The following ARMH3 variants were observed in gnomAD, a reference collection of about 807,000 sequenced individuals.
ARMH3 encodes armadillo-like helical domain-containing protein 3.
In ARMH3, 60 loss-of-function variants were observed where a neutral mutation model predicts 99.1. The observed-to-expected ratio is 0.61, with a 90% CI of 0.49 to 0.75. ARMH3 has a LOEUF of 0.75. Among genes scored for constraint, ARMH3 ranks in the 30% least tolerant of loss-of-function variants. The probability of loss-of-function intolerance (pLI) is 0.00; values close to 1 mark genes in which losing one functional copy is unlikely to be tolerated. For synonymous variants in ARMH3, 285 were observed against 292.8 expected (o/e 0.97, Z 0.27); for missense variants, 679 against 843.1 (o/e 0.81, Z 2.41).
At chr10:101,900,885 G>A (rs2067957970) in intron 23 of ARMH3, among the ~76,000 whole-genome samples, 1 of 152,048 alleles carries the variant, frequency 6.6e-6, no homozygotes, top group African/African-American at 2.4e-5. Flanking sequence ...TCATGAGGAT[G>A]AGGCATGAGA....
chr10:101,983,960 A>T (rs747011574), intron 19 of ARMH3, among the ~76,000 whole-genome samples: 2 of 152,196 alleles, frequency 1.3e-5, no homozygotes, highest in African/African-American at 4.8e-5. Context: ...TTTGAAAGCC[A>T]GGGGTAGTCT....
intron 16 of ARMH3, 49 bp downstream of exon 16, chr10:101,995,248 T>C (rs202177168): frequency 2.5e-5 from 38 of 1,509,490 alleles, no homozygotes; most frequent in African/African-American, 1.7e-4. Context: ...CAGGGAAAGA[T>C]AGCACTTTGT....
intron 2 of ARMH3, among the ~76,000 whole-genome samples, chr10:102,036,023 C>T (rs1405147779): frequency 1.3e-5 from 2 of 152,132 alleles, no homozygotes; most frequent in African/African-American, 4.8e-5. Context: ...GCCGCGACCC[C>T]GACTGGGAGG....
At chr10:101,850,943 T>C (rs1395586230) in intron 24 of ARMH3, among the ~76,000 whole-genome samples, 1 of 152,234 alleles carries the variant, frequency 6.6e-6, no homozygotes, top group Admixed American at 6.5e-5. Flanking sequence ...ACTTTGCCAA[T>C]GTCTCCTTCC....
chr10:101,961,599 C>A (rs913721188), intron 20 of ARMH3, among the ~76,000 whole-genome samples: 19 of 152,116 alleles, frequency 1.2e-4, no homozygotes, highest in Non-Finnish European at 2.5e-4. Flanking sequence ...GTGTCAGGAG[C>A]AGTTTCAAGG....
chr10:101,889,548 T>C, intron 23 of ARMH3, 58 bp from the exon 24 acceptor site: 3 of 1,470,290 alleles, frequency 2.0e-6, no homozygotes, highest in East Asian at 4.5e-5. Flanking sequence ...ATACATCTGT[T>C]AAAAAATAAG....
chr10:101,943,249 T>C (rs1844322956), intron 22 of ARMH3, among the ~76,000 whole-genome samples: 2 of 152,120 alleles, frequency 1.3e-5, no homozygotes, highest in South Asian at 4.1e-4. Flanking sequence ...CACTGATCTA[T>C]GCATATGGAA....
chr10:101,893,322 T>C (rs1379919016), intron 23 of ARMH3, among the ~76,000 whole-genome samples: 3 of 152,196 alleles, frequency 2.0e-5, no homozygotes, highest in African/African-American at 7.2e-5. Context: ...TGCATCCACA[T>C]TTTATGCTTT....
intron 24 of ARMH3, among the ~76,000 whole-genome samples, chr10:101,877,436 C>G (rs1187528178): frequency 3.3e-5 from 5 of 152,102 alleles, no homozygotes; most frequent in African/African-American, 1.2e-4. Context: ...CCGAGGCAGG[C>G]AGATTACGAG....
At chr10:101,976,028 C>T (rs542127432) in intron 19 of ARMH3, among the ~76,000 whole-genome samples, 3 of 107,100 alleles carry the variant, frequency 2.8e-5, no homozygotes, top group East Asian at 2.8e-4. Flanking sequence ...TGGTGGCGGG[C>T]GCCTGTAGTC....
intron 14 of ARMH3, among the ~76,000 whole-genome samples, chr10:102,006,080 C>T: frequency 6.6e-6 from 1 of 152,264 alleles, no homozygotes; most frequent in Non-Finnish European, 1.5e-5. Context: ...AGTCTCTACT[C>T]TCACTAATCT....
At chr10:101,953,269 A>G (rs1048183868) in intron 22 of ARMH3, among the ~76,000 whole-genome samples, 3 of 152,204 alleles carry the variant, frequency 2.0e-5, no homozygotes, top group African/African-American at 7.2e-5. Context: ...TGCTAGGACC[A>G]TAAGCATGCA....
At chr10:102,004,776 A>T (rs377445261) in intron 14 of ARMH3, among the ~76,000 whole-genome samples, 2 of 152,162 alleles carry the variant, frequency 1.3e-5, no homozygotes, top group African/African-American at 2.4e-5. Flanking sequence ...CCTTCTCAGT[A>T]AGATATTTTG....
At position 102,001,951 on chromosome 10, in the gene ARMH3, C is replaced by T. The variant is rs768231678; in HGVS notation, c.1150+20G>A. 1.4e-5 allele frequency: 23 copies of T among 1,610,752 alleles called. No homozygotes were observed. The highest frequency in any genetic ancestry group is 1.8e-5 in the Non-Finnish European group (21 of 1,177,984). On this transcript the variant is annotated intron_variant, in intron 15 of 25. Coordinates refer to ENST00000370033, the MANE Select transcript of ARMH3 (RefSeq NM_024541.3). Reference sequence around the variant, plus strand: ...GCCACACCTTTGACTTCCTGAGCCCCCAAAATAGCTATGGCTTACCTTTGG... The same window carrying T: ...GCCACACCTTTGACTTCCTGAGCCCTCAAAATAGCTATGGCTTACCTTTGG...
At chr10:101,914,635 G>A (rs899531449) in intron 23 of ARMH3, among the ~76,000 whole-genome samples, 2 of 151,742 alleles carry the variant, frequency 1.3e-5, no homozygotes, top group Admixed American at 1.3e-4. Context: ...GGAGGCCGAG[G>A]CAGGTGGATC....
At chr10:101,910,915 G>A (rs1296566369) in intron 23 of ARMH3, among the ~76,000 whole-genome samples, 2 of 151,356 alleles carry the variant, frequency 1.3e-5, no homozygotes, top group African/African-American at 2.4e-5. Flanking sequence ...CAAGGCGGAT[G>A]GACCACCTGG....
chr10:102,001,210 T>C (rs1415292954), intron 15 of ARMH3, among the ~76,000 whole-genome samples: 1 of 152,096 alleles, frequency 6.6e-6, no homozygotes, highest in East Asian at 1.9e-4. Context: ...TTATATATAC[T>C]TTACCACAAT....
intron 24 of ARMH3, among the ~76,000 whole-genome samples, chr10:101,881,086 A>G (rs750080068): frequency 4.4e-4 from 67 of 152,044 alleles, no homozygotes; most frequent in Non-Finnish European, 7.6e-4. Flanking sequence ...TCTTTAACCT[A>G]CTCCCACAAA....
intron 5 of ARMH3, chr10:102,029,399 ATAAAC>A (rs1239304345): frequency 9.6e-6 from 14 of 1,456,862 alleles, no homozygotes; most frequent in East Asian, 2.5e-5. Context: ...GAGTAATAAA[ATAAAC>A]TATTCTGTCT....
Sources: allele counts gnomAD v4.1 joint callset (sites outside exome capture counted in the v4.1 genomes callset), GRCh38; gene constraint gnomAD v4.1.1; transcripts MANE v1.5; gene names NCBI Gene and HGNC (gene_info 2026-07-23, HGNC 2026-07-21).